NIBAN1: variants seen among roughly 807,000 people sequenced by gnomAD.
The protein encoded by NIBAN1 is protein Niban 1.
Under a neutral mutation model 75.1 loss-of-function variants are expected in NIBAN1, and 81 were observed. The observed-to-expected ratio is 1.08, with a 90% CI of 0.90 to 1.30. NIBAN1 has a LOEUF of 1.30. NIBAN1 is among the 50% of genes most tolerant of loss of function. The probability of loss-of-function intolerance (pLI) is 0.00; values close to 1 mark genes in which losing one functional copy is unlikely to be tolerated. For missense variants in NIBAN1, 1,133 were observed against 1,128.1 expected, an observed-to-expected ratio of 1.00 and a Z score of -0.06; for synonymous variants, 436 against 424.8, an observed-to-expected ratio of 1.03 and a Z score of -0.32.
At chr1:184,968,423 G>A (rs1658854652) in intron 1 of NIBAN1, among the ~76,000 whole-genome samples, 1 of 152,150 alleles carries the variant, frequency 6.6e-6, no homozygotes, top group Non-Finnish European at 1.5e-5. Flanking sequence ...TGGTAGTCTG[G>A]CATGCTTGAA....
chr1:184,844,159 T>G (rs1655371631), intron 5 of NIBAN1, among the ~76,000 whole-genome samples: 1 of 152,252 alleles, frequency 6.6e-6, no homozygotes, highest in African/African-American at 2.4e-5. Context: ...ACTAGGGACA[T>G]TCTTCCTGAC....
At chr1:184,889,366 T>C (rs960552983) in intron 4 of NIBAN1, among the ~76,000 whole-genome samples, 1 of 152,114 alleles carries the variant, frequency 6.6e-6, no homozygotes, top group Non-Finnish European at 1.5e-5. Flanking sequence ...CAGAACTAGA[T>C]AAAAATCCAA....
chr1:184,835,828 C>T (rs770543232), intron 5 of NIBAN1, among the ~76,000 whole-genome samples: 3 of 152,146 alleles, frequency 2.0e-5, no homozygotes, highest in Non-Finnish European at 1.5e-5. Context: ...AATTGAATAC[C>T]TTTTATTTCT....
chr1:184,913,872 T>G (rs1043259217), intron 1 of NIBAN1, among the ~76,000 whole-genome samples: 2 of 152,224 alleles, frequency 1.3e-5, no homozygotes, highest in African/African-American at 4.8e-5. Flanking sequence ...AGAAGTGGAT[T>G]GCAGCCATGG....
At chr1:184,933,268 A>T (rs1458152599) in intron 1 of NIBAN1, among the ~76,000 whole-genome samples, 1 of 152,206 alleles carries the variant, frequency 6.6e-6, no homozygotes, top group Non-Finnish European at 1.5e-5. Context: ...TTTAAGGTCC[A>T]TTCACTCAAC....
intron 1 of NIBAN1, 42 bp downstream of exon 1, chr1:184,974,260 C>G (rs1262230432): frequency 3.4e-6 from 5 of 1,479,932 alleles, no homozygotes; most frequent in Non-Finnish European, 4.4e-6. Context: ...GCCTGGTGCA[C>G]GGGTCAGGGT....
intron 5 of NIBAN1, among the ~76,000 whole-genome samples, chr1:184,857,095 G>T (rs1174185198): frequency 6.6e-6 from 1 of 152,176 alleles, no homozygotes; most frequent in East Asian, 1.9e-4. Flanking sequence ...CCTAGAAAGA[G>T]TTCTTAATTT....
rs370516915 is a variant in NIBAN1 at position 184,863,961 on chromosome 1, T to C, written c.601+20672A>G. ...GAAAGAGCATACATTAAACACTCAG[T>C]GTATTACCTGGCATTCAATAATTGG... On this transcript the variant is annotated intron_variant, in intron 5 of 13. Coordinates refer to ENST00000367511, the MANE Select transcript of NIBAN1 (RefSeq NM_052966.4). Among the ~76,000 whole-genome samples the C allele has an allele frequency of 2.8e-4, 42 of 152,390 alleles. No homozygotes were observed. The East Asian group carries it at 4.6e-3, about 17-fold the overall frequency.
chr1:184,967,998 TCGAGACCA>T lies in NIBAN1; in HGVS notation c.55+6296_55+6303del, dbSNP rs1658843349. On this transcript the variant is annotated intron_variant, in intron 1 of 13. Coordinates refer to ENST00000367511, the MANE Select transcript of NIBAN1 (RefSeq NM_052966.4). ...GCGGGTGGATCATGAGGTCAGGAGA[TCGAGACCA>T]TCCTGGCTAACAAGGTGAAACCCCG... Among the ~76,000 whole-genome samples the T allele has an allele frequency of 1.9e-4, 2 of 10,782 alleles. 1 individual carries two copies. Among genetic ancestry groups the T allele is most frequent in the Non-Finnish European group, 7.0e-4 (2 of 2,860 alleles). The allele number at this position is 10,782 out of a possible 152,430, so 7.1% of individuals were successfully genotyped here. A position where few individuals can be genotyped will look rare whatever the true frequency, so the allele number is the denominator to read the frequency against.
intron 1 of NIBAN1, among the ~76,000 whole-genome samples, chr1:184,941,861 A>G (rs967552096): frequency 6.6e-5 from 10 of 152,198 alleles, no homozygotes; most frequent in Non-Finnish European, 1.2e-4. Flanking sequence ...CAGTATTCTC[A>G]GAGATGCAGC....
At chr1:184,902,348 T>G (rs1656976378) in intron 1 of NIBAN1, among the ~76,000 whole-genome samples, 1 of 152,152 alleles carries the variant, frequency 6.6e-6, no homozygotes, top group South Asian at 2.1e-4. Context: ...GTGAGTTACT[T>G]CTTTCTGCTC....
At chr1:184,861,335 C>T (rs1655809465) in intron 5 of NIBAN1, among the ~76,000 whole-genome samples, 1 of 152,188 alleles carries the variant, frequency 6.6e-6, no homozygotes, top group Non-Finnish European at 1.5e-5. Flanking sequence ...ACACGTATCT[C>T]AATTTGTAAT....
At chr1:184,845,165 G>A (rs1414733191) in intron 5 of NIBAN1, among the ~76,000 whole-genome samples, 1 of 152,194 alleles carries the variant, frequency 6.6e-6, no homozygotes, top group African/African-American at 2.4e-5. Flanking sequence ...AAAGGCCTGG[G>A]ATCCTGTGCA....
chr1:184,899,139 T>G, intron 2 of NIBAN1, 40 bp downstream of exon 2: 3 of 1,610,748 alleles, frequency 1.9e-6, no homozygotes, highest in Non-Finnish European at 2.5e-6. Context: ...ATAGCCTTCT[T>G]CAAGGGGAAA....
intron 5 of NIBAN1, among the ~76,000 whole-genome samples, chr1:184,873,298 C>G (rs1311602874): frequency 6.6e-6 from 1 of 152,092 alleles, no homozygotes; most frequent in Non-Finnish European, 1.5e-5. Context: ...GTCTGAGATG[C>G]AAGAAAAAAT....
intron 6 of NIBAN1, among the ~76,000 whole-genome samples, 189 bp downstream of exon 6, chr1:184,831,658 G>T (rs1326302695): frequency 2.6e-5 from 4 of 152,150 alleles, no homozygotes; most frequent in African/African-American, 9.7e-5. Flanking sequence ...TGCCCAGTCT[G>T]GTGGTCTTTG....
At chr1:184,959,687 C>T (rs1658579480) in intron 1 of NIBAN1, among the ~76,000 whole-genome samples, 1 of 152,160 alleles carries the variant, frequency 6.6e-6, no homozygotes, top group Admixed American at 6.5e-5. Flanking sequence ...TCAGTTTGAT[C>T]TGTTTGAGGT....
chr1:184,964,583 A>C (rs150218824), intron 1 of NIBAN1, among the ~76,000 whole-genome samples: 186 of 152,264 alleles, frequency 1.2e-3, no homozygotes, highest in Non-Finnish European at 2.4e-3. Context: ...TGATATCTCC[A>C]TTTGGTGTTG....
At position 184,823,173 on chromosome 1, in the gene NIBAN1, T is replaced by A. The variant is rs367918449; in HGVS notation, c.979A>T (p.Ile327Phe). The A allele has an allele frequency of 3.7e-6, 6 of 1,614,062 alleles. No homozygotes were observed. The highest frequency in any genetic ancestry group is 5.1e-6 in the Non-Finnish European group (6 of 1,180,002). ...ATGGATTATCTCTACTGACCTTTGA[T>A]CTTTCCAATTAAATAGTTCTTTGAG... Reference protein sequence around the residue: ...VNSKNYLIGKIKAMVAQPAEK... With the variant: ...VNSKNYLIGKFKAMVAQPAEK... The change falls in exon 8 of 14, where the codon ATC becomes TTC. Residue 327 changes from isoleucine to phenylalanine, a missense_variant. Coordinates refer to ENST00000367511, the MANE Select transcript of NIBAN1 (RefSeq NM_052966.4).
Sources: gnomAD v4.1 joint callset for allele counts (sites outside exome capture counted in the v4.1 genomes callset) on GRCh38, gnomAD v4.1.1 for gene constraint, MANE v1.5 for transcripts, NCBI Gene and HGNC (gene_info 2026-07-23, HGNC 2026-07-21) for gene names.